Variants in CA12 observed in about 807,000 individuals in gnomAD.
CA12 encodes the protein carbonic anhydrase 12.
Under a neutral mutation model 46.8 loss-of-function variants are expected in CA12, and 36 were observed. The ratio of observed to expected loss-of-function variants is 0.77; its 90% CI spans 0.59 to 1.02. The LOEUF (loss-of-function observed/expected upper bound fraction) is 1.02, where lower values mean the gene tolerates loss of function less well. CA12 is among the 50% of genes least tolerant of loss of function. The pLI, the probability that CA12 is intolerant of heterozygous loss-of-function variation, is 0.00. For missense variants in CA12, 436 were observed against 451.4 expected, an observed-to-expected ratio of 0.97 and a Z score of 0.31; for synonymous variants, 202 against 187.0, an observed-to-expected ratio of 1.08 and a Z score of -0.65.
In CA12 at chr15:63,348,140, C is replaced by G. The variant is rs749164943; in HGVS notation, c.107-1431G>C. Among the ~76,000 whole-genome samples, 20 of 152,132 alleles carry G rather than the reference C, an allele frequency of 1.3e-4. No homozygotes were observed. Among genetic ancestry groups the G allele is most frequent in the Admixed American group, 4.6e-4 (7 of 15,278 alleles). On this transcript the variant is annotated intron_variant, in intron 2 of 10. Transcript: ENST00000178638. This position sits in a 1 kb window ranked among gnomAD's most constrained non-coding sequence, Gnocchi z 4.6. ...AGGTCCGGACACACACATCGGAACC[C>G]TACTGATTTTTCAGGCTGTCAACCT...
chr15:63,340,800 G>A lies in CA12; in HGVS notation c.526-17C>T. 6.2e-7 allele frequency: 1 copy of A among 1,613,082 alleles called. No individual in the cohort carries two copies. The highest frequency in any genetic ancestry group is 2.2e-5 in the East Asian group (1 of 44,872). On this transcript the variant is annotated splice_polypyrimidine_tract_variant and intron_variant, in intron 5 of 10. Coordinates refer to ENST00000178638, the MANE Select transcript of CA12 (RefSeq NM_001218.5). This position sits in a 1 kb window ranked among gnomAD's most constrained non-coding sequence, Gnocchi z 4.4. The stretch of plus-strand genomic sequence containing the variant: ...GGAGCCCATCTGCAACAGAGACAGG[G>A]CAGGTTAAACTGGGACAGAACAGGA...
chr15:63,370,610 T>C (rs1372173244), intron 2 of CA12, among the ~76,000 whole-genome samples: 3 of 151,532 alleles, frequency 2.0e-5, no homozygotes, highest in Non-Finnish European at 4.4e-5. Context: ...CCGTCTCTAT[T>C]AAAAATACAA....
chr15:63,322,909 G>A lies in CA12; in HGVS notation c.*3376C>T, dbSNP rs981245818. 7 of 152,354 alleles carry A rather than the reference G, an allele frequency of 4.6e-5. No individual in the cohort carries two copies. The highest frequency in any genetic ancestry group is 1.7e-4 in the African/African-American group (7 of 41,576). 9.4% of individuals were successfully genotyped at this position (152,354 alleles called of 1,614,324 possible). A position where few individuals can be genotyped will look rare whatever the true frequency, so the allele number is the denominator to read the frequency against. ...ACCCTTGAACAGTTCACCTCTCTCA[G>A]GCTTAGGGTGATTATAGTGAAAATT... On this transcript the variant is annotated 3_prime_UTR_variant, in exon 11 of 11. Transcript: ENST00000178638. This position sits in a 1 kb window ranked among gnomAD's most constrained non-coding sequence, Gnocchi z 4.1.
chr15:63,338,708 C>T, intron 8 of CA12, 111 bp downstream of exon 8: 1 of 1,456,336 alleles, frequency 6.9e-7, no homozygotes, highest in Non-Finnish European at 9.6e-7. Flanking sequence ...AGCCAGGGAG[C>T]TCTCAGCCAA....
rs12911704 is a variant in CA12 at position 63,338,692 on chromosome 15, C to T, written c.874+127G>A. On this transcript the variant is annotated intron_variant, in intron 8 of 10. Coordinates refer to ENST00000178638, the MANE Select transcript of CA12 (RefSeq NM_001218.5). ...CTAGTCTCACAAGGCGCCTGGTTCC[C>T]GTGGCAGCCAGGGAGCTCTCAGCCA... 72,389 of 1,268,870 alleles carry T rather than the reference C, an allele frequency of 0.057. 2,320 individuals carry two copies. Among genetic ancestry groups the T allele is most frequent in the Middle Eastern group, 0.084 (318 of 3,808 alleles). 78.6% of individuals were successfully genotyped at this position (1,268,870 alleles called of 1,614,324 possible).
chr15:63,358,534 G>A (rs73442968), intron 2 of CA12, among the ~76,000 whole-genome samples: 8,553 of 152,118 alleles, frequency 0.056, 822 homozygotes, highest in African/African-American at 0.19. Context: ...TGTCTCCCCT[G>A]GCTGACAAAA....
At chr15:63,358,475 C>T (rs925179600) in intron 2 of CA12, among the ~76,000 whole-genome samples, 1 of 152,144 alleles carries the variant, frequency 6.6e-6, no homozygotes, top group Non-Finnish European at 1.5e-5. Flanking sequence ...CCTTTCCTGG[C>T]AGAGAGAGAC....
chr15:63,360,310 C>T (rs989706301), intron 2 of CA12, among the ~76,000 whole-genome samples: 6 of 152,140 alleles, frequency 3.9e-5, no homozygotes, highest in African/African-American at 7.2e-5. Context: ...TTAAAGGGGG[C>T]GGCTAGCAAA....
At position 63,327,635 on chromosome 15, in the gene CA12, G is replaced by A. The variant is rs904589609; in HGVS notation, c.908-402C>T. Reference sequence around the variant, plus strand: ...TGGTCCAAGAACCACACTTTGATAAGCCCTGGGCTACACAAATAAGAACTT... The same window carrying A: ...TGGTCCAAGAACCACACTTTGATAAACCCTGGGCTACACAAATAAGAACTT... On this transcript the variant is annotated intron_variant, in intron 9 of 10. Transcript: ENST00000178638. This position sits in a 1 kb window ranked among gnomAD's most constrained non-coding sequence, Gnocchi z 4.5. Among the ~76,000 whole-genome samples, 1 of 151,888 alleles carries A rather than the reference G, an allele frequency of 6.6e-6. No homozygotes were observed. Among genetic ancestry groups the A allele is most frequent in the African/African-American group, 2.4e-5 (1 of 41,354 alleles).
At position 63,381,835 on chromosome 15, in the gene CA12, C is replaced by T. The variant is rs1595797699; in HGVS notation, c.-115G>A. On this transcript the variant is annotated 5_prime_UTR_variant, in exon 1 of 11. Transcript: ENST00000178638. The stretch of plus-strand genomic sequence containing the variant: ...CGCAGCCTGGGTGCCGTGGCGAGTA[C>T]GTCCGCCCTTCGCTCTCCTGGCTTC... 3.3e-6 allele frequency: 2 copies of T among 599,720 alleles called. No homozygotes were observed. The highest frequency in any genetic ancestry group is 4.6e-4 in the Middle Eastern group (1 of 2,152). The allele number at this position is 599,720 out of a possible 1,614,324, so 37.1% of individuals were successfully genotyped here.
Position 63,327,326 on chromosome 15 carries a change from TA to T in CA12, c.908-94del. On this transcript the variant is annotated intron_variant, in intron 9 of 10. Transcript: ENST00000178638. The surrounding 1 kb of genome is among the most constrained non-coding windows in gnomAD (Gnocchi z 4.5). The stretch of plus-strand genomic sequence containing the variant: ...GGTGTGAAATCATGGCCCAGCTGCA[TA>T]ATCATCCACAGAAAGGAATAATTTC... The T allele has an allele frequency of 1.1e-6, 1 of 922,270 alleles. No homozygotes were observed. The highest frequency in any genetic ancestry group is 1.7e-6 in the Non-Finnish European group (1 of 573,858). The allele number at this position is 922,270 out of a possible 1,614,324, so 57.1% of individuals were successfully genotyped here.
chr15:63,377,422 T>C (rs2039591196), intron 1 of CA12, among the ~76,000 whole-genome samples: 1 of 152,180 alleles, frequency 6.6e-6, no homozygotes, highest in African/African-American at 2.4e-5. Flanking sequence ...TTATCACTCC[T>C]GGCATTTCCT....
chr15:63,332,945 G>A (rs1464909442), intron 8 of CA12, among the ~76,000 whole-genome samples: 2 of 152,190 alleles, frequency 1.3e-5, no homozygotes, highest in Non-Finnish European at 2.9e-5. Flanking sequence ...TAATATGTAC[G>A]TATTGTTCTT....
chr15:63,329,984 A>G lies in CA12; in HGVS notation c.875-1854T>C, dbSNP rs2038914813. The stretch of plus-strand genomic sequence containing the variant: ...TGGGGGTTCCTGGTCTGGCTTCCCC[A>G]GGTGGCACCGGGCTGCTGTGAGGGT... On this transcript the variant is annotated intron_variant, in intron 8 of 10. Transcript: ENST00000178638. This position sits in a 1 kb window ranked among gnomAD's most constrained non-coding sequence, Gnocchi z 4.8. Among the ~76,000 whole-genome samples, 1 of 152,180 alleles carries G rather than the reference A, an allele frequency of 6.6e-6. No homozygotes were observed. The highest frequency in any genetic ancestry group is 2.4e-5 in the African/African-American group (1 of 41,432).
rs1028001319 is a variant in CA12 at position 63,322,218 on chromosome 15, C to T, written c.*4067G>A. On this transcript the variant is annotated 3_prime_UTR_variant, in exon 11 of 11. Transcript: ENST00000178638. This position sits in a 1 kb window ranked among gnomAD's most constrained non-coding sequence, Gnocchi z 4.1. ...TGTAAATTTTATGAAATCTAAATAA[C>T]GACCAAATATCTACAAGGAAAATCT... 2.6e-5 allele frequency: 4 copies of T among 152,024 alleles called. No homozygotes were observed. The highest frequency in any genetic ancestry group is 4.8e-5 in the African/African-American group (2 of 41,380). The allele number at this position is 152,024 out of a possible 1,614,324, so 9.4% of individuals were successfully genotyped here.
chr15:63,332,105 T>C (rs1031692967), intron 8 of CA12, among the ~76,000 whole-genome samples: 14 of 152,212 alleles, frequency 9.2e-5, no homozygotes, highest in Non-Finnish European at 1.8e-4. Flanking sequence ...AGGGGTTTGA[T>C]AGTTTAAATA....
chr15:63,377,264 C>T (rs1023149256), intron 1 of CA12, among the ~76,000 whole-genome samples: 10 of 152,096 alleles, frequency 6.6e-5, no homozygotes, highest in Non-Finnish European at 1.5e-4. Context: ...TAAATCCCTG[C>T]CTCCCAACTT....
At position 63,374,130 on chromosome 15, in the gene CA12, G is replaced by A. The variant is rs1055157258; in HGVS notation, c.106+1528C>T. Among the ~76,000 whole-genome samples the A allele has an allele frequency of 3.9e-5, 6 of 151,964 alleles. No homozygotes were observed. Among genetic ancestry groups the A allele is most frequent in the African/African-American group, 1.5e-4 (6 of 41,352 alleles). ...CCCTGCCCTGCCCCTCCAGGAGCAGGACAAAGTGGGAAAGGCCTGCCCTGA... is the reference window on the plus strand; with the variant it reads ...CCCTGCCCTGCCCCTCCAGGAGCAGAACAAAGTGGGAAAGGCCTGCCCTGA... On this transcript the variant is annotated intron_variant, in intron 2 of 10. Coordinates refer to ENST00000178638, the MANE Select transcript of CA12 (RefSeq NM_001218.5). The surrounding 1 kb of genome is among the most constrained non-coding windows in gnomAD (Gnocchi z 4.4).
Position 63,323,955 on chromosome 15 carries a change from GCAT to G in CA12, c.*2327_*2329del, listed in dbSNP as rs1300281695. 3 of 152,202 alleles carry G rather than the reference GCAT, an allele frequency of 2.0e-5. No individual in the cohort carries two copies. In the East Asian group the frequency reaches 5.8e-4, roughly 29 times the overall value. 9.4% of individuals were successfully genotyped at this position (152,202 alleles called of 1,614,324 possible). A position where few individuals can be genotyped will look rare whatever the true frequency, so the allele number is the denominator to read the frequency against. ...CCTTGTTTTTGCTATTTCCACCTAG[GCAT>G]CTGCCATGCAGCAGAGTTAGGAGCG... is the stretch of plus-strand genomic sequence containing the variant. On this transcript the variant is annotated 3_prime_UTR_variant, in exon 11 of 11. Coordinates refer to ENST00000178638, the MANE Select transcript of CA12 (RefSeq NM_001218.5). The surrounding 1 kb of genome is among the most constrained non-coding windows in gnomAD (Gnocchi z 5.1).
Sources: gnomAD v4.1 joint callset for allele counts (sites outside exome capture counted in the v4.1 genomes callset) on GRCh38, gnomAD v4.1.1 for gene constraint, Gnocchi (gnomAD v3.1) non-coding constraint, MANE v1.5 for transcripts, NCBI Gene and HGNC (gene_info 2026-07-23, HGNC 2026-07-21) for gene names.